Variants in VWA8 observed in about 807,000 individuals in gnomAD.
The protein encoded by VWA8 is von Willebrand factor A domain containing 8, also known as von Willebrand factor A domain-containing protein 8.
In VWA8, 221 loss-of-function variants were observed where a neutral mutation model predicts 241.5. That is an observed-to-expected ratio of 0.91 (90% CI 0.82 to 1.02). The LOEUF (loss-of-function observed/expected upper bound fraction) is 1.02. Among genes scored for constraint, VWA8 ranks in the 50% least tolerant of loss-of-function variants. The pLI is 0.00. For synonymous variants in VWA8, 852 were observed against 827.1 expected (o/e 1.03, Z -0.52); for missense variants, 2,322 against 2,328.7 (o/e 1.00, Z 0.06).
At chr13:41,580,174 A>T (rs540357718) in intron 42 of VWA8, among the ~76,000 whole-genome samples, 206 of 152,212 alleles carry the variant, frequency 1.4e-3, no homozygotes, top group African/African-American at 4.6e-3. Flanking sequence ...TACTACAGAG[A>T]AATAACTACT....
chr13:41,788,504 T>G lies in VWA8; in HGVS notation c.2064-961A>C, dbSNP rs557845926. 1.1e-3 allele frequency among the ~76,000 whole-genome samples: 169 copies of G among 152,338 alleles called. 6 individuals carry two copies. In the South Asian group the frequency reaches 0.034, roughly 30 times the overall value. ...TTATCTCTTACCTCCTGCCTCATTTTGGGCCTAGGCTATGATAGAGGAAAT... is the reference window on the plus strand; with the variant it reads ...TTATCTCTTACCTCCTGCCTCATTTGGGGCCTAGGCTATGATAGAGGAAAT... On this transcript the variant is annotated intron_variant, in intron 17 of 44. Coordinates refer to ENST00000379310, the MANE Select transcript of VWA8 (RefSeq NM_015058.2).
intron 37 of VWA8, among the ~76,000 whole-genome samples, chr13:41,627,877 A>G (rs1050907889): frequency 4.6e-5 from 7 of 152,160 alleles, no homozygotes; most frequent in Non-Finnish European, 8.8e-5. Flanking sequence ...TCTCCTTCCC[A>G]TAAAGATTTA....
At chr13:41,891,777 C>G (rs139351571) in intron 4 of VWA8, among the ~76,000 whole-genome samples, 190 bp from the exon 5 acceptor site, 3 of 152,064 alleles carry the variant, frequency 2.0e-5, no homozygotes, top group African/African-American at 7.2e-5. Context: ...CCTCTTTGGG[C>G]CTGTTTATTC....
At position 41,570,489 on chromosome 13, in the gene VWA8, G is replaced by A; in HGVS notation, c.5588C>T (p.Ser1863Phe). 3 of 1,614,142 alleles carry A rather than the reference G, an allele frequency of 1.9e-6. No homozygotes were observed. ...TTACCTGGTTGCTTGATCACCTAAA[G>A]AGCCAATAAAAATGGCAAAAGCATT... ...QVNAFAIFIG[S>F]LGDQATRLQR... The change falls in exon 44 of 45, where the codon TCT becomes TTT. Residue 1863 changes from serine (S) to phenylalanine (F), a missense_variant. Physicochemically the swap from Ser to Phe is radical, Grantham distance 155 (BLOSUM62 -2). Transcript: ENST00000379310.
Position 41,571,791 on chromosome 13 carries a change from GTC to G in VWA8, c.5371-1087_5371-1086del, listed in dbSNP as rs1457765291. On this transcript the variant is annotated intron_variant, in intron 43 of 44. Coordinates refer to ENST00000379310, the MANE Select transcript of VWA8 (RefSeq NM_015058.2). ...CCACCCCGTCTGGGAAGTGAGGAGC[GTC>G]TCTGCCTGGCCGCCCATCGTCTGGG... Among the ~76,000 whole-genome samples the G allele has an allele frequency of 5.3e-5, 8 of 152,126 alleles. No homozygotes were observed. In the East Asian group the frequency reaches 9.7e-4, roughly 18 times the overall value.
intron 36 of VWA8, among the ~76,000 whole-genome samples, chr13:41,671,745 C>G (rs530230476): frequency 3.3e-5 from 5 of 152,196 alleles, no homozygotes; most frequent in East Asian, 1.9e-4. Flanking sequence ...CCCTTCCCCC[C>G]CATTCATGTT....
intron 4 of VWA8, among the ~76,000 whole-genome samples, chr13:41,900,354 T>TA (rs1451929557): frequency 1.3e-5 from 2 of 152,196 alleles, no homozygotes; most frequent in African/African-American, 2.4e-5. Flanking sequence ...AGACCATCTA[T>TA]AAGGAGCTCT....
chr13:41,804,890 A>C (rs1870115516), intron 17 of VWA8, among the ~76,000 whole-genome samples: 1 of 152,214 alleles, frequency 6.6e-6, no homozygotes, highest in Admixed American at 6.5e-5. Context: ...CCTCATGGTA[A>C]CCTCGAACCA....
At position 41,732,070 on chromosome 13, in the gene VWA8, G is replaced by T. The variant is rs920402505; in HGVS notation, c.2502+10C>A. The T allele has an allele frequency of 3.7e-6, 6 of 1,607,660 alleles. No homozygotes were observed. The highest frequency in any genetic ancestry group is 5.1e-6 in the Non-Finnish European group (6 of 1,175,698). On this transcript the variant is annotated intron_variant, in intron 22 of 44. Coordinates refer to ENST00000379310, the MANE Select transcript of VWA8 (RefSeq NM_015058.2). Reference sequence around the variant, plus strand: ...ACACTTGAAAATATTTCTATGATTAGGTTACTAACCAAAGGTGAGTCTTCA... The same window carrying T: ...ACACTTGAAAATATTTCTATGATTATGTTACTAACCAAAGGTGAGTCTTCA...
At chr13:41,665,869 G>A (rs2137794234) in intron 37 of VWA8, among the ~76,000 whole-genome samples, 1 of 152,120 alleles carries the variant, frequency 6.6e-6, no homozygotes, top group South Asian at 2.1e-4. Context: ...GGAATTTTTT[G>A]AGGTTAGACC....
chr13:41,867,242 T>TG (rs1333342560), intron 10 of VWA8, among the ~76,000 whole-genome samples: 1 of 152,206 alleles, frequency 6.6e-6, no homozygotes, highest in Non-Finnish European at 1.5e-5. Context: ...ATATTATTCT[T>TG]GCAGGCTTAG....
intron 13 of VWA8, among the ~76,000 whole-genome samples, chr13:41,831,491 T>C (rs1466907651): frequency 3.3e-5 from 5 of 152,212 alleles, no homozygotes; most frequent in South Asian, 4.1e-4. Flanking sequence ...TGGATGCTTA[T>C]AGCTGTTCTC....
At position 41,898,513 on chromosome 13, in the gene VWA8, T is replaced by C. The variant is rs186153475; in HGVS notation, c.484-6926A>G. Among the ~76,000 whole-genome samples, 1,122 of 152,334 alleles carry C rather than the reference T, an allele frequency of 7.4e-3. 22 individuals carry two copies. The highest frequency in any genetic ancestry group is 0.024 in the African/African-American group (999 of 41,576). ...CACCAGACTCAGGAGCCCAGCTGGC[T>C]TCACCCAGTGGATCCCGCACCAGGG... On this transcript the variant is annotated intron_variant, in intron 4 of 44. Coordinates refer to ENST00000379310, the MANE Select transcript of VWA8 (RefSeq NM_015058.2).
chr13:41,784,347 A>G lies in VWA8; in HGVS notation c.2171-446T>C, dbSNP rs1869038199. Among the ~76,000 whole-genome samples the G allele has an allele frequency of 2.0e-5, 3 of 152,068 alleles. No homozygotes were observed. The South Asian group carries it at 6.2e-4, about 32-fold the overall frequency. ...TAGCTCTAGTCAAAAATACAGATGA[A>G]CTAACCTACCACAGAACTCTTAAAT... On this transcript the variant is annotated intron_variant, in intron 18 of 44. Coordinates refer to ENST00000379310, the MANE Select transcript of VWA8 (RefSeq NM_015058.2).
chr13:41,737,818 T>TC (rs1290169841), intron 21 of VWA8, among the ~76,000 whole-genome samples: 4 of 152,016 alleles, frequency 2.6e-5, no homozygotes, highest in Non-Finnish European at 5.9e-5. Context: ...ACATTTTTTT[T>TC]CCCCACACAA....
Position 41,603,579 on chromosome 13 carries a change from T to C in VWA8, c.4986+1589A>G, listed in dbSNP as rs546999200. The stretch of plus-strand genomic sequence containing the variant: ...TGTAGCACTGTGAATCCTCTAAGGG[T>C]CTCTTTCTGCCCACAGGGTAGGACT... On this transcript the variant is annotated intron_variant, in intron 40 of 44. Coordinates refer to ENST00000379310, the MANE Select transcript of VWA8 (RefSeq NM_015058.2). Among the ~76,000 whole-genome samples, 51 of 152,198 alleles carry C rather than the reference T, an allele frequency of 3.4e-4. 1 individual carries two copies. In the South Asian group the frequency reaches 0.01, roughly 31 times the overall value.
At position 41,848,703 on chromosome 13, in the gene VWA8, C is replaced by T. The variant is rs1370033102; in HGVS notation, c.1426-15172G>A. Among the ~76,000 whole-genome samples the T allele has an allele frequency of 2.0e-5, 3 of 152,072 alleles. No individual in the cohort carries two copies. The East Asian group carries it at 5.8e-4, about 29-fold the overall frequency. ...TCTGTGAGTCAATTAAACCTCTTTCCTTTAAAATTAACTAGTCTTGGGTAT... is the reference window on the plus strand; with the variant it reads ...TCTGTGAGTCAATTAAACCTCTTTCTTTTAAAATTAACTAGTCTTGGGTAT... On this transcript the variant is annotated intron_variant, in intron 12 of 44. Coordinates refer to ENST00000379310, the MANE Select transcript of VWA8 (RefSeq NM_015058.2).
intron 34 of VWA8, 85 bp downstream of exon 34, chr13:41,689,269 A>T: frequency 7.3e-7 from 1 of 1,371,730 alleles, no homozygotes; most frequent in East Asian, 2.5e-5. Flanking sequence ...TATGTTTTTA[A>T]TTACCCCTCA....
chr13:41,833,596 G>GCTT lies in VWA8; in HGVS notation c.1426-68_1426-66dup. ...ATTAATTTTTAAGACATGCAAGGTA[G>GCTT]CTTACATGGCTTTATAGAGTCACCT... On this transcript the variant is annotated intron_variant, in intron 12 of 44. Coordinates refer to ENST00000379310, the MANE Select transcript of VWA8 (RefSeq NM_015058.2). 2.0e-6 allele frequency: 3 copies of GCTT among 1,467,194 alleles called. No homozygotes were observed. In the South Asian group the frequency reaches 4.4e-5, roughly 22 times the overall value. 90.9% of individuals were successfully genotyped at this position (1,467,194 alleles called of 1,614,324 possible). A position where few individuals can be genotyped will look rare whatever the true frequency, so the allele number is the denominator to read the frequency against.
Sources: allele counts gnomAD v4.1 joint callset (sites outside exome capture counted in the v4.1 genomes callset), GRCh38; gene constraint gnomAD v4.1.1; transcripts MANE v1.5; gene names NCBI Gene and HGNC (gene_info 2026-07-23, HGNC 2026-07-21).